Variants in GRIN2B observed in about 807,000 individuals in gnomAD.
GRIN2B encodes the protein glutamate ionotropic receptor NMDA type subunit 2B.
A neutral mutation model predicts 114.5 loss-of-function variants in GRIN2B; 5 were observed. The observed-to-expected ratio is 0.04, with a 90% CI of 0.02 to 0.09. The LOEUF is 0.09. Ranked by LOEUF, GRIN2B falls within the 10% of genes least tolerant of loss-of-function variation. The pLI is 1.00. For synonymous variants in GRIN2B, 787 were observed against 745.1 expected, an observed-to-expected ratio of 1.06 and a Z score of -0.92; for missense variants, 1,108 against 1,943.5, an observed-to-expected ratio of 0.57 and a Z score of 8.08.
intron 5 of GRIN2B, among the ~76,000 whole-genome samples, chr12:13,629,031 G>GA (rs201991090): frequency 1.0e-4 from 15 of 150,314 alleles, no homozygotes; most frequent in Admixed American, 5.3e-4. Context: ...AGACCACAAA[G>GA]AAAAAAAAAG....
At chr12:13,685,040 T>C (rs1489572363) in intron 4 of GRIN2B, among the ~76,000 whole-genome samples, 2 of 152,160 alleles carry the variant, frequency 1.3e-5, no homozygotes, top group Non-Finnish European at 2.9e-5. Context: ...AAGAATGTAC[T>C]CAAGGCCTAC....
Position 13,564,592 on chromosome 12 carries a change from A to G in GRIN2B, c.2646T>C (p.Ser882=), listed in dbSNP as rs1948610553. ...TGGTTGCGGTGGGGGAGTTCATTAC[A>G]GACTGGCGCTCCTCGATCGCCACCC... ...IHGVAIEERQ[S]VMNSPTATMN... The change falls in exon 14 of 14, where the codon TCT becomes TCC. Residue 882 remains serine (S), a synonymous_variant. Transcript: ENST00000609686. This position sits in a 1 kb window ranked among gnomAD's most constrained non-coding sequence, Gnocchi z 4.8. 2.5e-6 allele frequency: 4 copies of G among 1,614,056 alleles called. No individual in the cohort carries two copies. Among genetic ancestry groups the G allele is most frequent in the Non-Finnish European group, 3.4e-6 (4 of 1,180,004 alleles).
chr12:13,713,957 G>A (rs1950435452), intron 4 of GRIN2B, among the ~76,000 whole-genome samples: 2 of 151,808 alleles, frequency 1.3e-5, no homozygotes, highest in Admixed American at 6.6e-5. Context: ...CCTTAAGGGT[G>A]TGTAATTTTC....
At chr12:13,913,089 A>G (rs1388197795) in intron 2 of GRIN2B, among the ~76,000 whole-genome samples, 1 of 152,182 alleles carries the variant, frequency 6.6e-6, no homozygotes, top group African/African-American at 2.4e-5. Context: ...GTGGAAAGCT[A>G]CTGTCCCATG....
intron 2 of GRIN2B, among the ~76,000 whole-genome samples, chr12:13,970,742 T>C (rs1255117114): frequency 1.4e-5 from 2 of 147,534 alleles, no homozygotes; most frequent in Admixed American, 6.7e-5. Flanking sequence ...ATTTCTTTCT[T>C]CAAAAATCCA....
intron 4 of GRIN2B, among the ~76,000 whole-genome samples, chr12:13,746,865 A>G (rs1863394163): frequency 6.6e-6 from 1 of 152,154 alleles, no homozygotes; most frequent in African/African-American, 2.4e-5. Context: ...ACCATGTGAC[A>G]TGCCGGCCCC....
At chr12:13,637,845 A>G (rs1406768664) in intron 5 of GRIN2B, among the ~76,000 whole-genome samples, 2 of 152,112 alleles carry the variant, frequency 1.3e-5, no homozygotes, top group Non-Finnish European at 2.9e-5. Flanking sequence ...TGTGTACCAT[A>G]TAAATAAGGC....
intron 2 of GRIN2B, among the ~76,000 whole-genome samples, chr12:13,869,869 G>C (rs932438677): frequency 6.6e-6 from 1 of 152,112 alleles, no homozygotes; most frequent in Non-Finnish European, 1.5e-5. Context: ...TGCTATCATC[G>C]GTGAAACCAG....
At chr12:13,661,954 C>G (rs1217402692) in intron 5 of GRIN2B, among the ~76,000 whole-genome samples, 1 of 152,146 alleles carries the variant, frequency 6.6e-6, no homozygotes, top group African/African-American at 2.4e-5. Flanking sequence ...TACACCCTCA[C>G]CAGGTCCCAT....
chr12:13,963,451 G>A (rs1347392923), intron 2 of GRIN2B, among the ~76,000 whole-genome samples: 3 of 152,214 alleles, frequency 2.0e-5, no homozygotes, highest in Non-Finnish European at 4.4e-5. Context: ...AGAAGATGGA[G>A]AAGGCCAGCA....
At chr12:13,602,950 G>T (rs1170207943) in intron 10 of GRIN2B, among the ~76,000 whole-genome samples, 1 of 152,158 alleles carries the variant, frequency 6.6e-6, no homozygotes, top group East Asian at 1.9e-4. Context: ...CAGATACCCT[G>T]GAGAGCCCAA....
At chr12:13,831,678 A>G (rs571835947) in intron 3 of GRIN2B, among the ~76,000 whole-genome samples, 11 of 152,346 alleles carry the variant, frequency 7.2e-5, no homozygotes, top group African/African-American at 1.9e-4. Context: ...GCCACCCACA[A>G]TTCCCTCTAG....
chr12:13,846,344 T>C (rs571481580), intron 3 of GRIN2B, among the ~76,000 whole-genome samples: 1 of 152,348 alleles, frequency 6.6e-6, no homozygotes, highest in South Asian at 2.1e-4. Context: ...TAAATTATTT[T>C]TAAAAATATT....
intron 3 of GRIN2B, among the ~76,000 whole-genome samples, chr12:13,820,971 T>C (rs2136692964): frequency 6.6e-6 from 1 of 152,250 alleles, no homozygotes; most frequent in South Asian, 2.1e-4. Flanking sequence ...ACATGGCCCT[T>C]TACAGTCTGC....
intron 3 of GRIN2B, among the ~76,000 whole-genome samples, chr12:13,800,933 C>T (rs1190855634): frequency 6.6e-6 from 1 of 151,982 alleles, no homozygotes; most frequent in Non-Finnish European, 1.5e-5. Context: ...TGTTATTTAC[C>T]TGAAAAGAAG....
chr12:13,812,382 T>C lies in GRIN2B; in HGVS notation c.411+53416A>G, dbSNP rs117629123. 1.0e-2 allele frequency among the ~76,000 whole-genome samples: 1,517 copies of C among 152,318 alleles called. 10 individuals carry two copies. The highest frequency in any genetic ancestry group is 0.017 in the Middle Eastern group (5 of 294). On this transcript the variant is annotated intron_variant, in intron 3 of 13. Coordinates refer to ENST00000609686, the MANE Select transcript of GRIN2B (RefSeq NM_000834.5). ...CTGAAATAACTTCTGGGCTCATGCATTTGGACTGAATTTTATTTGCCTATT... is the reference window on the plus strand; with the variant it reads ...CTGAAATAACTTCTGGGCTCATGCACTTGGACTGAATTTTATTTGCCTATT...
chr12:13,567,361 A>T lies in GRIN2B; in HGVS notation c.2360-98T>A. 3.8e-6 allele frequency: 3 copies of T among 788,526 alleles called. No homozygotes were observed. The South Asian group carries it at 4.6e-5, about 12-fold the overall frequency. 48.8% of individuals were successfully genotyped at this position (788,526 alleles called of 1,614,324 possible). On this transcript the variant is annotated intron_variant, in intron 12 of 13. Coordinates refer to ENST00000609686, the MANE Select transcript of GRIN2B (RefSeq NM_000834.5). Reference sequence around the variant, plus strand: ...GGAGTATTGAGCAAGAAAGAGAAAGATACGTGACAGAAAAAGAGACAAGGA... The same window carrying T: ...GGAGTATTGAGCAAGAAAGAGAAAGTTACGTGACAGAAAAAGAGACAAGGA...
chr12:13,652,103 C>T (rs1313275097), intron 5 of GRIN2B, among the ~76,000 whole-genome samples: 1 of 151,926 alleles, frequency 6.6e-6, no homozygotes, highest in Non-Finnish European at 1.5e-5. Context: ...ACCCTTTTCA[C>T]CTCCTTGCAC....
chr12:13,594,431 A>C (rs1470575178), intron 10 of GRIN2B, among the ~76,000 whole-genome samples: 1 of 151,498 alleles, frequency 6.6e-6, no homozygotes, highest in Admixed American at 6.6e-5. Context: ...AGCACAGAAA[A>C]CCAAATATCA....
Sources: allele counts gnomAD v4.1 joint callset (sites outside exome capture counted in the v4.1 genomes callset), GRCh38; gene constraint gnomAD v4.1.1; non-coding constraint Gnocchi (gnomAD v3.1); transcripts MANE v1.5; gene names NCBI Gene and HGNC (gene_info 2026-07-23, HGNC 2026-07-21).